The following INPP5A variants were observed in gnomAD, a reference collection of about 807,000 sequenced individuals.
INPP5A encodes 43 kDa inositol polyphosphate 5-phophatase.
INPP5A carries 14 observed loss-of-function variants against 65.2 expected under a neutral mutation model. The observed-to-expected ratio is 0.21, with a 90% CI of 0.14 to 0.34. The LOEUF (loss-of-function observed/expected upper bound fraction) is 0.34. INPP5A is among the 10% of genes least tolerant of loss of function. The pLI is 1.00. For missense variants in INPP5A, 431 were observed against 545.6 expected, an observed-to-expected ratio of 0.79 and a Z score of 2.09; for synonymous variants, 207 against 208.3, an observed-to-expected ratio of 0.99 and a Z score of 0.05.
Position 132,707,762 on chromosome 10 carries a change from A to C in INPP5A, c.475-551A>C, listed in dbSNP as rs1055327891. Among the ~76,000 whole-genome samples, 1 of 152,044 alleles carries C rather than the reference A, an allele frequency of 6.6e-6. No individual in the cohort carries two copies. Among genetic ancestry groups the C allele is most frequent in the Admixed American group, 6.5e-5 (1 of 15,276 alleles). ...AGGCTCTACGTTCGGTGGCTCTGCT[A>C]GGTGGTGGGGATCAGTGAGAGGCAT... On this transcript the variant is annotated intron_variant, in intron 6 of 15. Transcript: ENST00000368594. The surrounding 1 kb of genome is among the most constrained non-coding windows in gnomAD (Gnocchi z 5.5).
Position 132,635,236 on chromosome 10 carries a change from G to T in INPP5A, c.118-10632G>T, listed in dbSNP as rs1465430258. Among the ~76,000 whole-genome samples the T allele has an allele frequency of 4.6e-5, 7 of 152,270 alleles. No homozygotes were observed. The East Asian group carries it at 1.3e-3, about 29-fold the overall frequency. The stretch of plus-strand genomic sequence containing the variant: ...CACTAACCCTGTTATAACTGTTGAT[G>T]TGGTTGAATTGGGGTCTGCCATTTT... On this transcript the variant is annotated intron_variant, in intron 2 of 15. Transcript: ENST00000368594.
intron 1 of INPP5A, among the ~76,000 whole-genome samples, chr10:132,544,752 G>A (rs553710965): frequency 3.3e-5 from 5 of 152,062 alleles, no homozygotes; most frequent in Admixed American, 6.5e-5. Context: ...CTCTCCCTCC[G>A]GCCCTGGCAT....
chr10:132,648,997 G>C (rs2072535887), intron 3 of INPP5A, among the ~76,000 whole-genome samples: 1 of 151,830 alleles, frequency 6.6e-6, no homozygotes, highest in East Asian at 1.9e-4. Flanking sequence ...TTTGTTCTTA[G>C]GCTCCAGTTA....
intron 9 of INPP5A, among the ~76,000 whole-genome samples, chr10:132,731,255 C>T (rs750619675): frequency 6.6e-6 from 1 of 151,560 alleles, no homozygotes; most frequent in African/African-American, 2.4e-5. Context: ...ATATCAGGCA[C>T]CCCTCCTGCG....
intron 2 of INPP5A, among the ~76,000 whole-genome samples, chr10:132,633,167 C>A (rs1345852773): frequency 6.6e-6 from 1 of 152,164 alleles, no homozygotes; most frequent in Non-Finnish European, 1.5e-5. Flanking sequence ...GTGCTAGCCA[C>A]CCATCAGCTT....
chr10:132,554,078 A>G (rs1263842103), intron 1 of INPP5A, among the ~76,000 whole-genome samples: 114 of 125,808 alleles, frequency 9.1e-4, no homozygotes, highest in Admixed American at 2.6e-3. Context: ...ACTGGTGAAC[A>G]CCTTCTCAGA....
At chr10:132,613,504 G>A (rs2071987137) in intron 2 of INPP5A, among the ~76,000 whole-genome samples, 1 of 152,270 alleles carries the variant, frequency 6.6e-6, no homozygotes, top group South Asian at 2.1e-4. Flanking sequence ...GCTCTGTGCA[G>A]TGTGTCATTT....
chr10:132,669,758 G>A (rs957879821), intron 4 of INPP5A, among the ~76,000 whole-genome samples: 1 of 152,104 alleles, frequency 6.6e-6, no homozygotes, highest in African/African-American at 2.4e-5. Context: ...AGTGAGATGT[G>A]GGTAGATGCC....
At chr10:132,666,351 T>C (rs1387695501) in intron 4 of INPP5A, among the ~76,000 whole-genome samples, 4 of 152,176 alleles carry the variant, frequency 2.6e-5, no homozygotes, top group African/African-American at 9.7e-5. Context: ...TGAGGAACTG[T>C]GAAGTCATCG....
chr10:132,639,837 G>A (rs1481258756), intron 2 of INPP5A, among the ~76,000 whole-genome samples: 1 of 152,138 alleles, frequency 6.6e-6, no homozygotes, highest in Non-Finnish European at 1.5e-5. Context: ...GCTGTTCTCT[G>A]TCATCTTCAT....
chr10:132,710,684 GAGGTAGGTGTGGATGGC>G (rs1300016428), intron 8 of INPP5A, among the ~76,000 whole-genome samples: 2 of 150,752 alleles, frequency 1.3e-5, no homozygotes, highest in African/African-American at 4.9e-5. Context: ...TGTGGATGGA[GAGGTAGGTGTGGATGGC>G]AGGTAGGTGT....
At chr10:132,622,385 G>A (rs2072123344) in intron 2 of INPP5A, among the ~76,000 whole-genome samples, 1 of 71,902 alleles carries the variant, frequency 1.4e-5, no homozygotes, top group Non-Finnish European at 2.7e-5. Context: ...TTCGTGGATT[G>A]GAAGACTCAG....
At position 132,616,249 on chromosome 10, in the gene INPP5A, C is replaced by T. The variant is rs1475712134; in HGVS notation, c.117+8293C>T. The stretch of plus-strand genomic sequence containing the variant: ...TGGGAGGCAGCTGCAGTGGGAGGTG[C>T]CTGTGCTTTGTTGGTTGTGAACAAG... On this transcript the variant is annotated intron_variant, in intron 2 of 15. Transcript: ENST00000368594. The surrounding 1 kb of genome is among the most constrained non-coding windows in gnomAD (Gnocchi z 4.9). Among the ~76,000 whole-genome samples, 5 of 152,180 alleles carry T rather than the reference C, an allele frequency of 3.3e-5. No individual in the cohort carries two copies. The highest frequency in any genetic ancestry group is 1.9e-4 in the East Asian group (1 of 5,188).
At chr10:132,771,658 G>GTGAAGAGTGGGA (rs1846951442) in intron 12 of INPP5A, among the ~76,000 whole-genome samples, 1 of 108,802 alleles carries the variant, frequency 9.2e-6, no homozygotes, top group Admixed American at 8.7e-5. Context: ...CAGCCGCCCC[G>GTGAAGAGTGGGA]CGAAGAGTGG....
Position 132,673,994 on chromosome 10 carries a change from A to T in INPP5A, c.307-16398A>T, listed in dbSNP as rs182210222. Among the ~76,000 whole-genome samples the T allele has an allele frequency of 3.1e-4, 47 of 152,318 alleles. No homozygotes were observed. The East Asian group carries it at 6.8e-3, about 22-fold the overall frequency. The stretch of plus-strand genomic sequence containing the variant: ...ATGGGTACCCTCCATTCCTGCCATC[A>T]TGGCCACTTTGTTCATGGGCCTATT... On this transcript the variant is annotated intron_variant, in intron 4 of 15. Transcript: ENST00000368594.
chr10:132,630,848 G>A (rs2072261109), intron 2 of INPP5A, among the ~76,000 whole-genome samples: 1 of 152,192 alleles, frequency 6.6e-6, no homozygotes, highest in South Asian at 2.1e-4. Flanking sequence ...ATTTGTGGGA[G>A]CTTCGATGGC....
intron 1 of INPP5A, among the ~76,000 whole-genome samples, chr10:132,561,473 G>A (rs2071205035): frequency 6.6e-6 from 1 of 151,850 alleles, no homozygotes; most frequent in East Asian, 1.9e-4. Context: ...TCATTGAATT[G>A]TCTTGGCATC....
At chr10:132,561,130 G>A (rs1307578917) in intron 1 of INPP5A, among the ~76,000 whole-genome samples, 4 of 147,560 alleles carry the variant, frequency 2.7e-5, no homozygotes, top group Non-Finnish European at 4.5e-5. Flanking sequence ...TGGTGTGATC[G>A]TGGTTCATTG....
chr10:132,733,202 G>A (rs1846117001), intron 9 of INPP5A, among the ~76,000 whole-genome samples: 1 of 152,106 alleles, frequency 6.6e-6, no homozygotes, highest in South Asian at 2.1e-4. Flanking sequence ...GTCTCATCCC[G>A]AGATCTTAAC....
Sources: gnomAD v4.1 joint callset for allele counts (sites outside exome capture counted in the v4.1 genomes callset) on GRCh38, gnomAD v4.1.1 for gene constraint, Gnocchi (gnomAD v3.1) non-coding constraint, MANE v1.5 for transcripts, NCBI Gene and HGNC (gene_info 2026-07-23, HGNC 2026-07-21) for gene names.